ZNF804B: variants seen among roughly 807,000 people sequenced by gnomAD.
The protein encoded by ZNF804B is zinc finger protein 804B.
Under a neutral mutation model 101.4 loss-of-function variants are expected in ZNF804B, and 80 were observed. The ratio of observed to expected loss-of-function variants is 0.79; its 90% CI spans 0.66 to 0.95. ZNF804B has a LOEUF of 0.95. Among genes scored for constraint, ZNF804B ranks in the 40% least tolerant of loss-of-function variants. The pLI is 0.00. For missense variants in ZNF804B, 1,673 were observed against 1,561.9 expected, an observed-to-expected ratio of 1.07 and a Z score of -1.20; for synonymous variants, 622 against 558.8, an observed-to-expected ratio of 1.11 and a Z score of -1.59.
chr7:89,135,755 C>A (rs1790624207), intron 1 of ZNF804B, among the ~76,000 whole-genome samples: 1 of 152,026 alleles, frequency 6.6e-6, no homozygotes, highest in Non-Finnish European at 1.5e-5. Flanking sequence ...AAAACTATTA[C>A]ATATCTCTTG....
At chr7:88,780,228 T>A (rs565842784) in intron 1 of ZNF804B, among the ~76,000 whole-genome samples, 1 of 152,218 alleles carries the variant, frequency 6.6e-6, no homozygotes, top group Admixed American at 6.5e-5. Flanking sequence ...CTGGTGGGAA[T>A]GTAAATTAGT....
At chr7:89,029,887 T>G (rs1788804003) in intron 1 of ZNF804B, among the ~76,000 whole-genome samples, 1 of 152,202 alleles carries the variant, frequency 6.6e-6, no homozygotes, top group African/African-American at 2.4e-5. Flanking sequence ...ATTTGTCTAC[T>G]TAATGAGAGC....
chr7:89,074,396 G>C (rs376175345), intron 1 of ZNF804B, among the ~76,000 whole-genome samples: 1 of 152,100 alleles, frequency 6.6e-6, no homozygotes, highest in Non-Finnish European at 1.5e-5. Context: ...TGAATTAAGC[G>C]GCAGGTCTTT....
At chr7:89,296,261 GA>G (rs201496095) in intron 2 of ZNF804B, among the ~76,000 whole-genome samples, 7 of 151,692 alleles carry the variant, frequency 4.6e-5, no homozygotes, top group Admixed American at 6.6e-5. Flanking sequence ...GATTATACAG[GA>G]AAAAAATCTC....
chr7:88,964,044 G>A (rs1474092937), intron 1 of ZNF804B, among the ~76,000 whole-genome samples: 1 of 151,360 alleles, frequency 6.6e-6, no homozygotes, highest in East Asian at 2.0e-4. Flanking sequence ...GTGTTGGCAA[G>A]GATGTGGAGA....
chr7:89,216,952 AT>A (rs1163645380), intron 1 of ZNF804B, among the ~76,000 whole-genome samples: 1 of 152,194 alleles, frequency 6.6e-6, no homozygotes, highest in Admixed American at 6.5e-5. Flanking sequence ...TGGTATTGGG[AT>A]AATAGAGCAG....
chr7:88,785,223 C>T (rs1790283277), intron 1 of ZNF804B, among the ~76,000 whole-genome samples: 1 of 152,134 alleles, frequency 6.6e-6, no homozygotes, highest in African/African-American at 2.4e-5. Context: ...CTCCAATATT[C>T]TTGATCTTAG....
At chr7:88,893,139 G>A (rs779781920) in intron 1 of ZNF804B, among the ~76,000 whole-genome samples, 1 of 152,074 alleles carries the variant, frequency 6.6e-6, no homozygotes, top group Non-Finnish European at 1.5e-5. Context: ...TAGGTCAACA[G>A]CTATCAAAAG....
intron 1 of ZNF804B, among the ~76,000 whole-genome samples, chr7:89,165,088 A>C (rs1161815454): frequency 6.6e-6 from 1 of 152,102 alleles, no homozygotes; most frequent in Admixed American, 6.6e-5. Flanking sequence ...CGGGATTCAA[A>C]TCTTGGTCTA....
chr7:88,808,056 A>G (rs1024894443), intron 1 of ZNF804B, among the ~76,000 whole-genome samples: 3 of 152,180 alleles, frequency 2.0e-5, no homozygotes, highest in Non-Finnish European at 4.4e-5. Context: ...AGGCCCAGCA[A>G]TCAGGCTTAC....
At chr7:89,296,524 C>T (rs936210503) in intron 2 of ZNF804B, among the ~76,000 whole-genome samples, 1 of 151,954 alleles carries the variant, frequency 6.6e-6, no homozygotes, top group South Asian at 2.1e-4. Flanking sequence ...AGATGACTGT[C>T]GTTTTCTCAT....
At chr7:89,061,657 C>G (rs994017467) in intron 1 of ZNF804B, among the ~76,000 whole-genome samples, 1 of 152,000 alleles carries the variant, frequency 6.6e-6, no homozygotes, top group Non-Finnish European at 1.5e-5. Flanking sequence ...TTACTCACCT[C>G]TTTGTGCTTC....
chr7:89,265,136 A>G (rs561318233), intron 2 of ZNF804B, among the ~76,000 whole-genome samples: 1 of 152,298 alleles, frequency 6.6e-6, no homozygotes, highest in South Asian at 2.1e-4. Flanking sequence ...TAGTGTGATC[A>G]CCTCTAGAGT....
intron 1 of ZNF804B, among the ~76,000 whole-genome samples, chr7:89,134,223 T>C (rs1790596450): frequency 6.6e-6 from 1 of 152,122 alleles, no homozygotes; most frequent in Non-Finnish European, 1.5e-5. Flanking sequence ...CAGAATGTGT[T>C]TTTCTGACTT....
intron 1 of ZNF804B, among the ~76,000 whole-genome samples, chr7:89,119,463 C>A (rs1790365640): frequency 1.3e-5 from 2 of 152,270 alleles, no homozygotes; most frequent in South Asian, 4.1e-4. Context: ...CAAAAAATAA[C>A]CCTATGAAGT....
intron 1 of ZNF804B, among the ~76,000 whole-genome samples, chr7:88,872,139 T>C (rs1358507771): frequency 1.3e-5 from 2 of 152,198 alleles, no homozygotes; most frequent in African/African-American, 2.4e-5. Context: ...GGAACTTAAC[T>C]GGAAATTTTG....
intron 1 of ZNF804B, among the ~76,000 whole-genome samples, chr7:89,121,255 G>A (rs936688298): frequency 6.6e-6 from 1 of 152,088 alleles, no homozygotes; most frequent in African/African-American, 2.4e-5. Flanking sequence ...TATTGGGTTG[G>A]AACTATATAT....
At position 89,333,949 on chromosome 7, in the gene ZNF804B, T is replaced by G. The variant is rs763869803; in HGVS notation, c.967T>G (p.Ser323Ala). The G allele has an allele frequency of 1.4e-5, 23 of 1,613,608 alleles. No individual in the cohort carries two copies. The highest frequency in any genetic ancestry group is 8.4e-5 in the Admixed American group (5 of 59,856). The change falls in exon 4 of 4, where the codon TCA becomes GCA. Residue 323 changes from serine to alanine, a missense_variant. Transcript: ENST00000333190. ...TLEDSIGIHA[S>A]FSKSNIHLSD... ...AGAAGATTCAATTGGCATTCATGCTTCATTCTCTAAATCTAACATTCATCT... is the reference window on the plus strand; with the variant it reads ...AGAAGATTCAATTGGCATTCATGCTGCATTCTCTAAATCTAACATTCATCT...
At chr7:88,946,460 A>T (rs922500739) in intron 1 of ZNF804B, among the ~76,000 whole-genome samples, 4 of 151,824 alleles carry the variant, frequency 2.6e-5, no homozygotes, top group African/African-American at 9.7e-5. Context: ...ATTGTGGTGG[A>T]TAAGCTTTTT....
Sources: gnomAD v4.1 joint callset for allele counts (sites outside exome capture counted in the v4.1 genomes callset) on GRCh38, gnomAD v4.1.1 for gene constraint, MANE v1.5 for transcripts, NCBI Gene and HGNC (gene_info 2026-07-23, HGNC 2026-07-21) for gene names.